The following RASAL2 variants were observed in gnomAD, a reference collection of about 807,000 sequenced individuals.
RASAL2 encodes the protein RAS protein activator like 2, also known as ras GTPase-activating protein nGAP.
A neutral mutation model predicts 128.9 loss-of-function variants in RASAL2; 58 were observed. The observed-to-expected ratio is 0.45, with a 90% CI of 0.36 to 0.56. The LOEUF (loss-of-function observed/expected upper bound fraction) is 0.56. RASAL2 is among the 20% of genes least tolerant of loss of function. The pLI is 0.00. For missense variants in RASAL2, 1,360 were observed against 1,601.6 expected (o/e 0.85, Z 2.57); for synonymous variants, 561 against 580.8 (o/e 0.97, Z 0.49).
chr1:178,347,296 T>C (rs976175383), intron 3 of RASAL2, among the ~76,000 whole-genome samples: 1 of 152,192 alleles, frequency 6.6e-6, no homozygotes, highest in Admixed American at 6.5e-5. Flanking sequence ...TTGAATTAAA[T>C]ATTTAAAGGT....
intron 1 of RASAL2, among the ~76,000 whole-genome samples, 176 bp from the exon 2 acceptor site, chr1:178,283,388 T>C (rs888064525): frequency 6.6e-6 from 1 of 152,220 alleles, no homozygotes; most frequent in African/African-American, 2.4e-5. Context: ...GGCTATTTTT[T>C]CCTTATTCTG....
chr1:178,314,738 G>A (rs1668419661), intron 3 of RASAL2, among the ~76,000 whole-genome samples: 1 of 151,316 alleles, frequency 6.6e-6, no homozygotes, highest in Non-Finnish European at 1.5e-5. Context: ...GAAGTGGTAG[G>A]CATCACAGAT....
At chr1:178,133,559 T>G (rs1463782547) in intron 1 of RASAL2, among the ~76,000 whole-genome samples, 1 of 152,068 alleles carries the variant, frequency 6.6e-6, no homozygotes, top group Non-Finnish European at 1.5e-5. Flanking sequence ...GGAAGTAATG[T>G]AAGTTGCTTT....
At chr1:178,431,276 A>G (rs1175089094) in intron 5 of RASAL2, among the ~76,000 whole-genome samples, 9 of 152,128 alleles carry the variant, frequency 5.9e-5, no homozygotes, top group Admixed American at 3.9e-4. Flanking sequence ...AAATGGTTTA[A>G]GAACATGGAA....
intron 13 of RASAL2, among the ~76,000 whole-genome samples, chr1:178,457,178 C>A (rs1677835987): frequency 6.6e-6 from 1 of 152,202 alleles, no homozygotes; most frequent in Non-Finnish European, 1.5e-5. Context: ...TTATGAAATT[C>A]ATGTTTCTGT....
intron 3 of RASAL2, among the ~76,000 whole-genome samples, chr1:178,370,493 T>C (rs1671639039): frequency 6.6e-6 from 1 of 152,256 alleles, no homozygotes; most frequent in Non-Finnish European, 1.5e-5. Context: ...GTAGTTATTT[T>C]GAGTAATAGA....
intron 15 of RASAL2, among the ~76,000 whole-genome samples, chr1:178,464,987 C>T (rs1647531333): frequency 6.6e-6 from 1 of 151,496 alleles, no homozygotes; most frequent in East Asian, 1.9e-4. Flanking sequence ...AAACAAGAAC[C>T]TTGTCATCAT....
chr1:178,416,123 G>T (rs1053932302), intron 4 of RASAL2, among the ~76,000 whole-genome samples: 1 of 152,004 alleles, frequency 6.6e-6, no homozygotes, highest in Non-Finnish European at 1.5e-5. Flanking sequence ...CCTTTGTTCT[G>T]TGTCCTTATT....
rs1329979369 is a variant in RASAL2 at position 178,474,955 on chromosome 1, A to T, written c.*1716A>T. The T allele has an allele frequency of 2.0e-5, 3 of 152,162 alleles. No individual in the cohort carries two copies. Among genetic ancestry groups the T allele is most frequent in the African/African-American group, 7.2e-5 (3 of 41,438 alleles). 9.4% of individuals were successfully genotyped at this position (152,162 alleles called of 1,614,324 possible). ...CTGAGGGAGCCATATGCATCAAGTG[A>T]GTGTTTCTCCATAACAGAATATTTA... On this transcript the variant is annotated 3_prime_UTR_variant, in exon 18 of 18. Transcript: ENST00000367649.
intron 1 of RASAL2, among the ~76,000 whole-genome samples, chr1:178,103,475 C>T (rs1011337678): frequency 2.0e-5 from 3 of 151,998 alleles, no homozygotes; most frequent in African/African-American, 7.2e-5. Flanking sequence ...GTCTGTACTT[C>T]GCCCGCAATA....
chr1:178,228,826 C>T (rs1439200921), intron 1 of RASAL2, among the ~76,000 whole-genome samples: 1 of 152,104 alleles, frequency 6.6e-6, no homozygotes, highest in Non-Finnish European at 1.5e-5. Flanking sequence ...ATTAACTTCT[C>T]TCCCTCATAA....
chr1:178,162,378 T>A (rs1336401422), intron 1 of RASAL2, among the ~76,000 whole-genome samples: 1 of 117,456 alleles, frequency 8.5e-6, no homozygotes, highest in Non-Finnish European at 1.7e-5. Context: ...ATAATATATA[T>A]TTATATATTA....
intron 17 of RASAL2, among the ~76,000 whole-genome samples, chr1:178,471,130 T>C (rs80244510): frequency 0.047 from 7,125 of 152,262 alleles, 555 homozygotes; most frequent in African/African-American, 0.16. Context: ...TTTTATGAAT[T>C]ATTTATTTTT....
intron 1 of RASAL2, among the ~76,000 whole-genome samples, chr1:178,110,825 C>A (rs375248094): frequency 6.6e-6 from 1 of 151,288 alleles, no homozygotes; most frequent in Admixed American, 6.6e-5. Flanking sequence ...TGAGCTCAGG[C>A]AATCCGTCTG....
At chr1:178,400,553 T>C (rs1673553865) in intron 4 of RASAL2, among the ~76,000 whole-genome samples, 1 of 152,150 alleles carries the variant, frequency 6.6e-6, no homozygotes, top group African/African-American at 2.4e-5. Flanking sequence ...TTGTGTATAC[T>C]TCAGAGGATA....
At chr1:178,170,055 ATCTTT>A (rs1487499161) in intron 1 of RASAL2, among the ~76,000 whole-genome samples, 1 of 151,914 alleles carries the variant, frequency 6.6e-6, no homozygotes, top group African/African-American at 2.4e-5. Flanking sequence ...TTTAGATTTT[ATCTTT>A]TCTTGTTTGA....
intron 1 of RASAL2, among the ~76,000 whole-genome samples, chr1:178,220,903 G>A (rs1478845036): frequency 2.0e-5 from 3 of 152,172 alleles, no homozygotes; most frequent in African/African-American, 7.2e-5. Context: ...GTTTTTGTGT[G>A]GACATAAGCT....
intron 1 of RASAL2, among the ~76,000 whole-genome samples, chr1:178,251,896 CTA>C (rs1665071287): frequency 6.6e-6 from 1 of 152,132 alleles, no homozygotes; most frequent in Admixed American, 6.5e-5. Context: ...TAAATTTTAA[CTA>C]TTTTAAATTA....
chr1:178,368,578 C>T (rs1432622579), intron 3 of RASAL2, among the ~76,000 whole-genome samples: 2 of 151,720 alleles, frequency 1.3e-5, no homozygotes, highest in Admixed American at 1.3e-4. Flanking sequence ...GGTAAACTGC[C>T]AAAATGTATG....
Sources: allele counts gnomAD v4.1 joint callset (sites outside exome capture counted in the v4.1 genomes callset), GRCh38; gene constraint gnomAD v4.1.1; transcripts MANE v1.5; gene names NCBI Gene and HGNC (gene_info 2026-07-23, HGNC 2026-07-21).